Variants in CCDC136 observed in about 807,000 individuals in gnomAD.
CCDC136 encodes coiled-coil domain containing 136, also known as coiled-coil domain-containing protein 136.
In CCDC136, 100 loss-of-function variants were observed where a neutral mutation model predicts 141.2. The ratio of observed to expected loss-of-function variants is 0.71; its 90% confidence interval spans 0.60 to 0.84. CCDC136 has a LOEUF of 0.84. CCDC136 is among the 40% of genes least tolerant of loss of function. CCDC136 has a pLI of 0.00. For synonymous variants in CCDC136, 474 were observed against 531.9 expected (o/e 0.89, Z 1.50); for missense variants, 1,206 against 1,379.4 (o/e 0.87, Z 1.99).
In CCDC136 at chr7:128,798,818, T is replaced by G. The variant is rs181610358; in HGVS notation, c.347-2368T>G. 3.3e-5 allele frequency among the ~76,000 whole-genome samples: 5 copies of G among 152,044 alleles called. No individual in the cohort carries two copies. In the East Asian group the frequency reaches 9.7e-4, roughly 29 times the overall value. On this transcript the variant is annotated intron_variant, in intron 3 of 17. Transcript: ENST00000297788. ...GAGATTCTTGGCCTTGGCACGCAGT[T>G]AAGGATCAGTTAATAGTTGTTGAAT...
Position 128,812,791 on chromosome 7 carries a change from C to G in CCDC136, c.2625C>G (p.Ser875Arg). 6.2e-7 allele frequency: 1 copy of G among 1,613,440 alleles called. No individual in the cohort carries two copies. The highest frequency in any genetic ancestry group is 8.5e-7 in the Non-Finnish European group (1 of 1,179,758). The change falls in exon 14 of 18, where the codon AGC (serine) becomes AGG (arginine). Residue 875 changes from serine (S) to arginine (R), a missense_variant. Transcript: ENST00000297788. The part of the protein sequence containing the change: ...AMYQISQEEH[S>R]QLQEQMEKLL... ...ACCAGATAAGCCAGGAGGAACACAGCCAGCTGCAAGAGCAGATGGAAAAGT... is the reference window on the plus strand; with the variant it reads ...ACCAGATAAGCCAGGAGGAACACAGGCAGCTGCAAGAGCAGATGGAAAAGT...
chr7:128,819,997 G>C (rs1327340566), intron 17 of CCDC136, among the ~76,000 whole-genome samples: 6 of 152,158 alleles, frequency 3.9e-5, no homozygotes, highest in Non-Finnish European at 1.5e-5. Context: ...AGGCTTCAAA[G>C]GCAGAATTTT....
At chr7:128,791,408 T>A, upstream of CCDC136, 7 of 965,676 alleles carry the variant, frequency 7.2e-6, no homozygotes, top group East Asian at 3.5e-5. This position sits in a 1 kb window ranked among gnomAD's most constrained non-coding sequence, Gnocchi z 7.1. Context: ...CCGCCCTCCC[T>A]CCCTCCCTGC....
At chr7:128,819,291 A>G (rs1406199893) in intron 17 of CCDC136, among the ~76,000 whole-genome samples, 1 of 152,174 alleles carries the variant, frequency 6.6e-6, no homozygotes, top group East Asian at 1.9e-4. Context: ...CCCAACATGC[A>G]CCTGTGCAGC....
At chr7:128,791,429 C>A, upstream of CCDC136, 1 of 1,201,246 alleles carries the variant, frequency 8.3e-7, no homozygotes, top group Non-Finnish European at 1.1e-6. This position sits in a 1 kb window ranked among gnomAD's most constrained non-coding sequence, Gnocchi z 7.1. Flanking sequence ...GCACCCGGCT[C>A]GGGTCCCCGG....
upstream of CCDC136, chr7:128,791,501 C>T (rs750318342): frequency 3.8e-6 from 5 of 1,302,194 alleles, no homozygotes; most frequent in East Asian, 3.1e-5. This position sits in a 1 kb window ranked among gnomAD's most constrained non-coding sequence, Gnocchi z 7.1. Flanking sequence ...GTCATGGAGG[C>T]GGGCGCCGGA....
intron 14 of CCDC136, among the ~76,000 whole-genome samples, chr7:128,814,426 G>A (rs1000443412): frequency 6.6e-6 from 1 of 152,116 alleles, no homozygotes; most frequent in Non-Finnish European, 1.5e-5. Context: ...GACATCATCA[G>A]GTGCCTCAAG....
intron 3 of CCDC136, among the ~76,000 whole-genome samples, chr7:128,798,605 C>T (rs1236299221): frequency 2.0e-5 from 3 of 152,044 alleles, no homozygotes; most frequent in Admixed American, 2.0e-4. Flanking sequence ...TGAACCCTAA[C>T]ATCAAAAGCA....
At chr7:128,803,558 G>A (rs988613833) in intron 4 of CCDC136, among the ~76,000 whole-genome samples, 2 of 152,160 alleles carry the variant, frequency 1.3e-5, no homozygotes, top group African/African-American at 4.8e-5. Flanking sequence ...AGGCCGAGGT[G>A]GGAGGATCAC....
intron 10 of CCDC136, 181 bp from the exon 11 acceptor site, chr7:128,809,269 A>C: frequency 3.6e-6 from 2 of 557,500 alleles, no homozygotes. Flanking sequence ...AGCAGCCTGC[A>C]GGGGATCCCC....
In CCDC136 at chr7:128,810,359, G is replaced by A. The variant is rs375639275; in HGVS notation, c.2021G>A (p.Arg674Gln). ...SKLAKSSKCN[R>Q]NKQSKLLMEQ... is the part of the protein sequence containing the mutation. Reference sequence around the variant, plus strand: ...TTGGCTAAGTCCTCCAAATGTAATCGAAACAAGGTAACCATAGCAAGAGGT... The same window carrying A: ...TTGGCTAAGTCCTCCAAATGTAATCAAAACAAGGTAACCATAGCAAGAGGT... The change falls in exon 12 of 18, where the codon CGA becomes CAA. Residue 674 changes from arginine to glutamine, a missense_variant. Arg to Gln is a conservative substitution (Grantham distance 43, BLOSUM62 1). Coordinates refer to ENST00000297788, the MANE Select transcript of CCDC136 (RefSeq NM_022742.5). 10 of 1,609,768 alleles carry A rather than the reference G, an allele frequency of 6.2e-6. No individual in the cohort carries two copies. Among genetic ancestry groups the A allele is most frequent in the South Asian group, 1.1e-5 (1 of 90,666 alleles).
chr7:128,796,739 A>ATATATATTTTTTTTTTTTT, intron 3 of CCDC136, among the ~76,000 whole-genome samples: 2 of 113,384 alleles, frequency 1.8e-5, no homozygotes, highest in African/African-American at 4.6e-5. Context: ...ATATATATAT[A>ATATATATTTTTTTTTTTTT]TTCTTTTTTT....
rs1805552371 is a variant in CCDC136 at position 128,810,485 on chromosome 7, G to C, written c.2028+119G>C. On this transcript the variant is annotated intron_variant, in intron 12 of 17. Transcript: ENST00000297788. ...GTGTTTGGCCAGGGGTAAGGATAAG[G>C]CAAAAGCCCTGCCTTTCACCAGCTG... 3 of 680,214 alleles carry C rather than the reference G, an allele frequency of 4.4e-6. No homozygotes were observed. In the South Asian group the frequency reaches 5.7e-5, roughly 13 times the overall value. The allele number at this position is 680,214 out of a possible 1,614,324, so 42.1% of individuals were successfully genotyped here.
chr7:128,814,707 C>A lies in CCDC136; in HGVS notation c.2833C>A (p.Arg945=). 2 of 1,613,272 alleles carry A rather than the reference C, an allele frequency of 1.2e-6. No homozygotes were observed. The highest frequency in any genetic ancestry group is 1.7e-6 in the Non-Finnish European group (2 of 1,179,550). Residue 945 remains arginine, a synonymous_variant, in exon 15 of 18, where the codon CGG becomes AGG. Coordinates refer to ENST00000297788, the MANE Select transcript of CCDC136 (RefSeq NM_022742.5). ...QYQASMDEQG[R]LLVVQEQLEG... ...CCAGGCTAGCATGGATGAGCAGGGG[C>A]GGCTTCTGGTAGTGCAGGAGCAGCT...
At chr7:128,808,229 G>T (rs939383697) in intron 10 of CCDC136, among the ~76,000 whole-genome samples, 1 of 152,112 alleles carries the variant, frequency 6.6e-6, no homozygotes, top group African/African-American at 2.4e-5. Flanking sequence ...TTGAGACCGG[G>T]TTTCGCCATG....
rs1310507725 is a variant in CCDC136, at chr7:128,796,843, G to A, written c.346+2075G>A. ...TGCAAGCTCCGCCTCCCGGGTTCAC[G>A]CCATTCTCCTGCCTCAGCCTCCCAA... On this transcript the variant is annotated intron_variant, in intron 3 of 17. Transcript: ENST00000297788. 8.3e-5 allele frequency among the ~76,000 whole-genome samples: 12 copies of A among 145,262 alleles called. No homozygotes were observed. The East Asian group carries it at 1.4e-3, about 17-fold the overall frequency.
chr7:128,798,604 A>T (rs1354273809), intron 3 of CCDC136, among the ~76,000 whole-genome samples: 1 of 152,014 alleles, frequency 6.6e-6, no homozygotes, highest in Non-Finnish European at 1.5e-5. Flanking sequence ...TTGAACCCTA[A>T]CATCAAAAGC....
rs1288115716 is a variant in CCDC136 at position 128,806,223 on chromosome 7, C to T, written c.1090-14C>T. The T allele has an allele frequency of 5.8e-6, 9 of 1,543,328 alleles. No individual in the cohort carries two copies. In the South Asian group the frequency reaches 1.1e-4, roughly 19 times the overall value. On this transcript the variant is annotated splice_polypyrimidine_tract_variant and intron_variant, in intron 7 of 17. Transcript: ENST00000297788. ...TTGAGAGTAACTGTTCTACTCACATCCTCCCTACCACAGAATGAGGAGCTG... is the reference window on the plus strand; with the variant it reads ...TTGAGAGTAACTGTTCTACTCACATTCTCCCTACCACAGAATGAGGAGCTG...
Position 128,812,138 on chromosome 7 carries a change from C to T in CCDC136, c.2367C>T (p.Ser789=). ...TQTSSKSFLK[S]YDSSTSASEA... ...CCAGCAGCAAGAGCTTTCTCAAGAG[C>T]TATGACAGCAGCACCAGTGCCAGTG... The change falls in exon 13 of 18, where the codon AGC becomes AGT. Residue 789 remains serine, a synonymous_variant. Transcript: ENST00000297788. 1 of 1,614,006 alleles carries T rather than the reference C, an allele frequency of 6.2e-7. No homozygotes were observed. Among genetic ancestry groups the T allele is most frequent in the Non-Finnish European group, 8.5e-7 (1 of 1,179,890 alleles).
Sources: gnomAD v4.1 joint callset for allele counts (sites outside exome capture counted in the v4.1 genomes callset) on GRCh38, gnomAD v4.1.1 for gene constraint, Gnocchi (gnomAD v3.1) non-coding constraint, MANE v1.5 for transcripts, NCBI Gene and HGNC (gene_info 2026-07-23, HGNC 2026-07-21) for gene names.